Variants in FHIP1A observed in about 807,000 individuals in gnomAD.
FHIP1A encodes FHF complex subunit HOOK-interacting protein 1A.
In FHIP1A, 61 loss-of-function variants were observed where a neutral mutation model predicts 88.6. That is an observed-to-expected ratio of 0.69 (90% confidence interval 0.56 to 0.85). FHIP1A has a LOEUF of 0.85. FHIP1A is among the 40% of genes least tolerant of loss of function. The pLI is 0.00. For synonymous variants in FHIP1A, 478 were observed against 496.0 expected (o/e 0.96, Z 0.48); for missense variants, 1,154 against 1,273.5 (o/e 0.91, Z 1.43).
intron 3 of FHIP1A, among the ~76,000 whole-genome samples, chr4:151,545,531 C>T (rs1732463396): frequency 1.3e-5 from 2 of 151,842 alleles, no homozygotes; most frequent in South Asian, 4.2e-4. Flanking sequence ...GTGCCCACTG[C>T]CACGCCCGGC....
chr4:151,521,469 C>T (rs1731440660), intron 3 of FHIP1A, among the ~76,000 whole-genome samples: 1 of 152,132 alleles, frequency 6.6e-6, no homozygotes, highest in Admixed American at 6.5e-5. Flanking sequence ...CTACACTTTT[C>T]ATAAATTATT....
rs560607954 is a variant in FHIP1A, at chr4:151,431,299, C to T, written c.-356+21834C>T. Among the ~76,000 whole-genome samples the T allele has an allele frequency of 9.2e-5, 14 of 152,242 alleles. No homozygotes were observed. The South Asian group carries it at 2.9e-3, about 32-fold the overall frequency. ...TTAATCCTTGTGAGCCCTGGCCCGCCACTCCCTACCTCCAAATGCAATTGT... is the reference window on the plus strand; with the variant it reads ...TTAATCCTTGTGAGCCCTGGCCCGCTACTCCCTACCTCCAAATGCAATTGT... On this transcript the variant is annotated intron_variant, in intron 1 of 13. Coordinates refer to ENST00000435205, the MANE Select transcript of FHIP1A (RefSeq NM_001109977.3).
intron 7 of FHIP1A, among the ~76,000 whole-genome samples, chr4:151,602,803 A>G (rs1206560209): frequency 6.6e-6 from 1 of 152,158 alleles, no homozygotes; most frequent in African/African-American, 2.4e-5. Flanking sequence ...GTGGTGATGA[A>G]CAGAAGAAAA....
At chr4:151,559,472 T>G (rs1733086323) in intron 3 of FHIP1A, among the ~76,000 whole-genome samples, 1 of 152,212 alleles carries the variant, frequency 6.6e-6, no homozygotes, top group Non-Finnish European at 1.5e-5. Context: ...TGTATCTTCT[T>G]AGAAATCTTC....
In FHIP1A at chr4:151,521,090, C is replaced by T. The variant is rs565640200; in HGVS notation, c.-123+38442C>T. Among the ~76,000 whole-genome samples, 5 of 152,254 alleles carry T rather than the reference C, an allele frequency of 3.3e-5. No homozygotes were observed. In the East Asian group the frequency reaches 9.7e-4, roughly 29 times the overall value. On this transcript the variant is annotated intron_variant, in intron 3 of 13. Transcript: ENST00000435205. The stretch of plus-strand genomic sequence containing the variant: ...CTTTTGTATATGGTAATCAGAAAGA[C>T]ATTTAGTTGTGTAAATGATCCCTGA...
At chr4:151,563,484 A>G (rs1733252904) in intron 3 of FHIP1A, among the ~76,000 whole-genome samples, 1 of 152,208 alleles carries the variant, frequency 6.6e-6, no homozygotes, top group Non-Finnish European at 1.5e-5. Flanking sequence ...GTTTACTTGA[A>G]ACATTTTTGA....
At chr4:151,484,174 G>T (rs1729997774) in intron 3 of FHIP1A, among the ~76,000 whole-genome samples, 1 of 152,154 alleles carries the variant, frequency 6.6e-6, no homozygotes, top group South Asian at 2.1e-4. Flanking sequence ...TTAGCAGAAT[G>T]AACATTCTTA....
chr4:151,475,574 A>G (rs1729669079), intron 2 of FHIP1A, among the ~76,000 whole-genome samples: 1 of 152,112 alleles, frequency 6.6e-6, no homozygotes, highest in South Asian at 2.1e-4. Context: ...GGTGAGAACA[A>G]GCTTGGTGCA....
intron 3 of FHIP1A, among the ~76,000 whole-genome samples, chr4:151,537,627 T>C (rs772001256): frequency 1.8e-4 from 28 of 152,194 alleles, no homozygotes; most frequent in Non-Finnish European, 4.0e-4. Context: ...AGTTTTTTCT[T>C]TTACAGATTG....
At chr4:151,533,868 A>G (rs1373398532) in intron 3 of FHIP1A, among the ~76,000 whole-genome samples, 1 of 152,226 alleles carries the variant, frequency 6.6e-6, no homozygotes, top group South Asian at 2.1e-4. Context: ...CCTGTGTCTA[A>G]TGCAATCAGA....
chr4:151,633,896 G>A (rs2126883827), intron 8 of FHIP1A, among the ~76,000 whole-genome samples: 1 of 151,988 alleles, frequency 6.6e-6, no homozygotes, highest in East Asian at 1.9e-4. Context: ...TCAGGAACAA[G>A]GCAAGGATGC....
intron 3 of FHIP1A, among the ~76,000 whole-genome samples, chr4:151,550,927 T>C (rs1202954686): frequency 2.0e-5 from 3 of 152,218 alleles, no homozygotes; most frequent in Non-Finnish European, 2.9e-5. Context: ...TGAAACTGGG[T>C]TGACTCCCTC....
At chr4:151,612,186 C>T (rs1403724736) in intron 7 of FHIP1A, among the ~76,000 whole-genome samples, 1 of 152,160 alleles carries the variant, frequency 6.6e-6, no homozygotes, top group African/African-American at 2.4e-5. Context: ...CATTAGGCAC[C>T]TTGGAAGTAA....
At chr4:151,603,148 T>TA (rs965103243) in intron 7 of FHIP1A, among the ~76,000 whole-genome samples, 2 of 152,004 alleles carry the variant, frequency 1.3e-5, no homozygotes, top group African/African-American at 4.8e-5. Flanking sequence ...TTGTTTCTAC[T>TA]AAAAAATACA....
intron 7 of FHIP1A, among the ~76,000 whole-genome samples, chr4:151,604,646 T>G: frequency 6.6e-6 from 1 of 152,028 alleles, no homozygotes; most frequent in Non-Finnish European, 1.5e-5. Context: ...GTCAGAAGTT[T>G]GAGACCAGCT....
At chr4:151,424,214 T>C (rs1298597265) in intron 1 of FHIP1A, among the ~76,000 whole-genome samples, 1 of 152,208 alleles carries the variant, frequency 6.6e-6, no homozygotes, top group Admixed American at 6.5e-5. Flanking sequence ...TTGGCCTAAC[T>C]TGTGAGATGT....
intron 8 of FHIP1A, among the ~76,000 whole-genome samples, chr4:151,634,987 G>A (rs1026726282): frequency 6.6e-6 from 1 of 151,730 alleles, no homozygotes; most frequent in East Asian, 1.9e-4. Flanking sequence ...ATATTTATGA[G>A]TCATATATCT....
intron 5 of FHIP1A, among the ~76,000 whole-genome samples, chr4:151,579,077 T>G (rs1733926391): frequency 6.6e-6 from 1 of 152,140 alleles, no homozygotes; most frequent in Non-Finnish European, 1.5e-5. Context: ...AGATCATTTT[T>G]TTCCCCTGAG....
At chr4:151,435,713 A>C (rs944607266) in intron 1 of FHIP1A, among the ~76,000 whole-genome samples, 15 of 151,150 alleles carry the variant, frequency 9.9e-5, no homozygotes, top group African/African-American at 3.6e-4. Flanking sequence ...TGAACCCAGG[A>C]GGCTGAGGTT....
Sources: gnomAD v4.1 joint callset for allele counts (sites outside exome capture counted in the v4.1 genomes callset) on GRCh38, gnomAD v4.1.1 for gene constraint, MANE v1.5 for transcripts, NCBI Gene and HGNC (gene_info 2026-07-23, HGNC 2026-07-21) for gene names.